Variants in SNX18 observed in about 807,000 individuals in gnomAD.
The protein encoded by SNX18 is sorting nexin 18, also known as sorting nexin-18.
SNX18 carries 35 observed loss-of-function variants against 48.7 expected under a neutral mutation model. The ratio of observed to expected loss-of-function variants is 0.72; its 90% CI spans 0.55 to 0.95. The LOEUF is 0.95. Among genes scored for constraint, SNX18 ranks in the 40% least tolerant of loss-of-function variants. The probability of loss-of-function intolerance (pLI) is 0.00; values close to 1 mark genes in which losing one functional copy is unlikely to be tolerated. For missense variants in SNX18, 824 were observed against 871.0 expected (o/e 0.95, Z 0.68); for synonymous variants, 492 against 384.7 (o/e 1.28, Z -3.26).
the SNX18 span, among the ~76,000 whole-genome samples, chr5:54,583,045 T>C: frequency 3.3e-5 from 5 of 152,364 alleles, no homozygotes; most frequent in South Asian, 1.0e-3. Context: ...AGTCCTTCAT[T>C]GGAAATGTCC....
At chr5:54,570,242 C>A in the SNX18 span, among the ~76,000 whole-genome samples, 1 of 152,236 alleles carries the variant, frequency 6.6e-6, no homozygotes, top group Non-Finnish European at 1.5e-5. Flanking sequence ...CTAAGGATTG[C>A]TGGCAACACC....
At chr5:54,631,660 T>C in the SNX18 span, among the ~76,000 whole-genome samples, 43 of 152,174 alleles carry the variant, frequency 2.8e-4, no homozygotes, top group African/African-American at 9.9e-4. Flanking sequence ...TATCATCATA[T>C]ATGAAACATC....
At chr5:54,641,457 A>C in the SNX18 span, among the ~76,000 whole-genome samples, 1 of 152,058 alleles carries the variant, frequency 6.6e-6, no homozygotes, top group Non-Finnish European at 1.5e-5. Flanking sequence ...TCTCTGGTTG[A>C]AGTTGGCGTG....
the SNX18 span, among the ~76,000 whole-genome samples, chr5:54,628,695 C>T: frequency 6.6e-6 from 1 of 152,200 alleles, no homozygotes; most frequent in Admixed American, 6.5e-5. Flanking sequence ...ACTTGGCCTC[C>T]ACCCAATCTT....
chr5:54,517,848 G>A lies in SNX18; in HGVS notation c.-105G>A. On this transcript the variant is annotated 5_prime_UTR_variant, in exon 1 of 2. Coordinates refer to ENST00000381410, the MANE Select transcript of SNX18 (RefSeq NM_001102575.2). ...GGGCAGCGTGGGTTTGCCGCCTTCG[G>A]GGCTCCAGTCCGCGCGCCAGGGCTC... 5 of 1,243,596 alleles carry A rather than the reference G, an allele frequency of 4.0e-6. No homozygotes were observed. Among genetic ancestry groups the A allele is most frequent in the Non-Finnish European group, 5.2e-6 (5 of 970,434 alleles). 77.0% of individuals were successfully genotyped at this position (1,243,596 alleles called of 1,614,324 possible). A position where few individuals can be genotyped will look rare whatever the true frequency, so the allele number is the denominator to read the frequency against.
the SNX18 span, among the ~76,000 whole-genome samples, chr5:54,564,892 C>CA: frequency 6.7e-6 from 1 of 150,270 alleles, no homozygotes; most frequent in African/African-American, 2.4e-5. Context: ...AACAAACAAA[C>CA]AAAAAAAGAT....
downstream of SNX18, among the ~76,000 whole-genome samples, chr5:54,549,036 T>G (rs767034852): frequency 1.3e-5 from 2 of 152,228 alleles, no homozygotes; most frequent in Non-Finnish European, 1.5e-5. Flanking sequence ...TTTATTTGTA[T>G]TTTTTTGTAT....
At chr5:54,598,738 G>A in the SNX18 span, among the ~76,000 whole-genome samples, 82 of 151,994 alleles carry the variant, frequency 5.4e-4, no homozygotes, top group Non-Finnish European at 9.9e-4. Flanking sequence ...TACCTCAAAC[G>A]AATAGGAGCC....
the SNX18 span, among the ~76,000 whole-genome samples, chr5:54,607,827 A>G: frequency 2.0e-5 from 3 of 152,080 alleles, no homozygotes; most frequent in South Asian, 2.1e-4. Flanking sequence ...CCAGTTACTC[A>G]GGAGGCTGAG....
chr5:54,629,038 C>T, the SNX18 span, among the ~76,000 whole-genome samples: 3 of 152,228 alleles, frequency 2.0e-5, no homozygotes, highest in Admixed American at 1.3e-4. Context: ...CCCACAATGT[C>T]CAACATGGCC....
At chr5:54,593,186 C>T in the SNX18 span, among the ~76,000 whole-genome samples, 4 of 152,166 alleles carry the variant, frequency 2.6e-5, no homozygotes, top group East Asian at 7.7e-4. Flanking sequence ...GTGAAAGTTG[C>T]AATTTTCTCT....
At chr5:54,608,558 T>C in the SNX18 span, among the ~76,000 whole-genome samples, 7 of 152,120 alleles carry the variant, frequency 4.6e-5, no homozygotes, top group African/African-American at 1.7e-4. Context: ...AAATAATGGA[T>C]TGTGACCTGT....
chr5:54,618,734 G>A, the SNX18 span, among the ~76,000 whole-genome samples: 111,865 of 152,022 alleles, frequency 0.74, 41,914 homozygotes, highest in African/African-American at 0.88. Context: ...ATTGCTTCCT[G>A]GAAGACTAAA....
chr5:54,592,731 G>A, the SNX18 span, among the ~76,000 whole-genome samples: 2 of 152,228 alleles, frequency 1.3e-5, no homozygotes, highest in African/African-American at 4.8e-5. Context: ...GATTTTCAAT[G>A]TAAGATGATA....
At position 54,519,223 on chromosome 5, in the gene SNX18, T is replaced by G. The variant is rs1198842846; in HGVS notation, c.1271T>G (p.Val424Gly). The change falls in exon 1 of 2, where the codon GTG becomes GGG. Residue 424 changes from valine to glycine, a missense_variant. By Grantham distance (109) the Val-to-Gly change is moderately radical (BLOSUM62 -3). This residue lies in a region of SNX18 where 443 missense variants were observed against 503.6 expected (regional missense o/e 0.88). Coordinates refer to ENST00000381410, the MANE Select transcript of SNX18 (RefSeq NM_001102575.2). ...PPAAALDLQE[V>G]ESKIDGFKCF... ...GCCGCTGCCCTTGACCTGCAGGAGGTGGAGAGCAAGATCGACGGCTTCAAG... is the reference window on the plus strand; with the variant it reads ...GCCGCTGCCCTTGACCTGCAGGAGGGGGAGAGCAAGATCGACGGCTTCAAG... 1.2e-6 allele frequency: 2 copies of G among 1,613,540 alleles called. No homozygotes were observed. The highest frequency in any genetic ancestry group is 1.7e-5 in the Admixed American group (1 of 59,936).
At chr5:54,635,571 C>T in the SNX18 span, among the ~76,000 whole-genome samples, 3 of 152,030 alleles carry the variant, frequency 2.0e-5, no homozygotes, top group African/African-American at 7.3e-5. Context: ...TCATGTTGGT[C>T]CCAGCAGGTC....
At chr5:54,549,015 A>G (rs1762614632), downstream of SNX18, among the ~76,000 whole-genome samples, 1 of 152,168 alleles carries the variant, frequency 6.6e-6, no homozygotes, top group African/African-American at 2.4e-5. Flanking sequence ...TAGTTGTTAC[A>G]CTGTTATATT....
chr5:54,589,217 T>C, the SNX18 span, among the ~76,000 whole-genome samples: 2 of 152,146 alleles, frequency 1.3e-5, no homozygotes, highest in Admixed American at 6.5e-5. Context: ...TTTCCTCTCA[T>C]TTCTTTCCTT....
chr5:54,612,304 G>A, the SNX18 span, among the ~76,000 whole-genome samples: 1 of 151,044 alleles, frequency 6.6e-6, no homozygotes, highest in Non-Finnish European at 1.5e-5. Flanking sequence ...TGTCACCCAG[G>A]TGGGAGTACA....
Sources: allele counts gnomAD v4.1 joint callset (sites outside exome capture counted in the v4.1 genomes callset), GRCh38; gene constraint gnomAD v4.1.1; regional missense constraint gnomAD v4.1.1; transcripts MANE v1.5; gene names NCBI Gene and HGNC (gene_info 2026-07-23, HGNC 2026-07-21).